The following DZANK1 variants were observed in gnomAD, a reference collection of about 807,000 sequenced individuals.
DZANK1 encodes the protein double zinc ribbon and ankyrin repeat domains 1.
In DZANK1, 91 loss-of-function variants were observed where a neutral mutation model predicts 94.5. That is an observed-to-expected ratio of 0.96 (90% confidence interval 0.81 to 1.15). The LOEUF (loss-of-function observed/expected upper bound fraction) is 1.15, where lower values mean the gene tolerates loss of function less well. DZANK1 is among the 50% of genes most tolerant of loss of function. DZANK1 has a pLI of 0.00. For missense variants in DZANK1, 903 were observed against 916.4 expected (o/e 0.99, Z 0.19); for synonymous variants, 312 against 325.3 (o/e 0.96, Z 0.44).
chr20:18,443,362 G>A (rs1429568592), exon 8 of DZANK1: 3 of 1,549,424 alleles, frequency 1.9e-6, no homozygotes, highest in Non-Finnish European at 1.7e-6. Context: ...CTCCTTCTGG[G>A]GGTGGGAGAC....
chr20:18,431,367 T>C (rs1460376753), intron 9 of DZANK1, among the ~76,000 whole-genome samples: 1 of 151,588 alleles, frequency 6.6e-6, no homozygotes, highest in Admixed American at 6.6e-5. Flanking sequence ...CTCAGTGGAG[T>C]GAGCTAGAGA....
chr20:18,443,269 T>C (rs2058767791), intron 8 of DZANK1, 78 bp downstream of exon 8: 10 of 944,738 alleles, frequency 1.1e-5, no homozygotes, highest in Non-Finnish European at 1.7e-5. Flanking sequence ...AGTTCATGTG[T>C]ACCAAGCACT....
chr20:18,429,874 A>C (rs994394347), intron 9 of DZANK1, among the ~76,000 whole-genome samples: 3 of 152,180 alleles, frequency 2.0e-5, no homozygotes, highest in Non-Finnish European at 4.4e-5. Context: ...CACTATACTC[A>C]TAAATTCACA....
chr20:18,465,925 G>A (rs1166832495), intron 1 of DZANK1, among the ~76,000 whole-genome samples: 1 of 152,206 alleles, frequency 6.6e-6, no homozygotes, highest in East Asian at 1.9e-4. Context: ...GGACTGCAGA[G>A]TACTACTTCT....
intron 17 of DZANK1, among the ~76,000 whole-genome samples, chr20:18,391,996 C>T (rs1427406190): frequency 6.6e-6 from 1 of 152,194 alleles, no homozygotes; most frequent in Non-Finnish European, 1.5e-5. Flanking sequence ...AGGTGTGAGA[C>T]CTTTACGTCT....
intron 7 of DZANK1, among the ~76,000 whole-genome samples, chr20:18,448,478 TTACATACA>T (rs555198101): frequency 6.6e-6 from 1 of 152,110 alleles, no homozygotes; most frequent in African/African-American, 2.4e-5. Flanking sequence ...AGTGTCATGG[TTACATACA>T]TACATACATA....
intron 18 of DZANK1, 148 bp from the exon 19 acceptor site, chr20:18,389,976 T>G: frequency 1.6e-6 from 2 of 1,245,924 alleles, no homozygotes; most frequent in South Asian, 2.9e-5. Context: ...ATCAGGAACC[T>G]CAAGACCTGA....
exon 3 of DZANK1, chr20:18,460,278 A>G (rs780670179): frequency 6.3e-7 from 1 of 1,578,914 alleles, no homozygotes; most frequent in Non-Finnish European, 8.6e-7. Context: ...TGCCATCCAG[A>G]GTATAATATA....
exon 11 of DZANK1, chr20:18,415,343 C>G: frequency 6.3e-7 from 1 of 1,584,302 alleles, no homozygotes; most frequent in Non-Finnish European, 8.6e-7. Context: ...TCCACACCAG[C>G]CGCAGAAGGA....
At chr20:18,448,411 G>A (rs926801521) in intron 7 of DZANK1, among the ~76,000 whole-genome samples, 1 of 151,950 alleles carries the variant, frequency 6.6e-6, no homozygotes, top group African/African-American at 2.4e-5. Context: ...TACCAAATAG[G>A]GTACAATGTA....
At chr20:18,460,447 T>TA in intron 2 of DZANK1, 141 bp from the exon 3 acceptor site, 1 of 708,460 alleles carries the variant, frequency 1.4e-6, no homozygotes, top group Non-Finnish European at 2.1e-6. Context: ...AGTTGTGACT[T>TA]AGGACAGGCA....
intron 3 of DZANK1, among the ~76,000 whole-genome samples, chr20:18,457,387 G>A (rs1373344774): frequency 6.6e-6 from 1 of 152,172 alleles, no homozygotes; most frequent in Non-Finnish European, 1.5e-5. Flanking sequence ...TGAGGCACAA[G>A]AATTGCTTGA....
intron 6 of DZANK1, among the ~76,000 whole-genome samples, chr20:18,451,436 C>T (rs561638718): frequency 6.6e-6 from 1 of 152,180 alleles, no homozygotes; most frequent in Non-Finnish European, 1.5e-5. Flanking sequence ...TCAGGCTCCT[C>T]CTCCCCTGCT....
intron 7 of DZANK1, among the ~76,000 whole-genome samples, chr20:18,447,694 A>C (rs1037071907): frequency 6.6e-6 from 1 of 152,122 alleles, no homozygotes; most frequent in African/African-American, 2.4e-5. Flanking sequence ...GCATGGATGG[A>C]AATAAGCACA....
intron 10 of DZANK1, among the ~76,000 whole-genome samples, chr20:18,426,530 G>A (rs2058051759): frequency 6.6e-6 from 1 of 152,166 alleles, no homozygotes; most frequent in Admixed American, 6.5e-5. Flanking sequence ...TCACCTGGAA[G>A]TAATTTTAAT....
At chr20:18,463,319 T>G (rs1323402061) in intron 2 of DZANK1, among the ~76,000 whole-genome samples, 1 of 152,072 alleles carries the variant, frequency 6.6e-6, no homozygotes, top group Non-Finnish European at 1.5e-5. Context: ...TAGGTACAAA[T>G]GGACATAAAG....
rs566782341 is a variant in DZANK1, at chr20:18,416,432, C to T, written c.955-983G>A. Among the ~76,000 whole-genome samples the T allele has an allele frequency of 3.2e-4, 49 of 152,242 alleles. 1 individual carries two copies. Among genetic ancestry groups the T allele is most frequent in the African/African-American group, 1.1e-3 (46 of 41,550 alleles). On this transcript the variant is annotated intron_variant, in intron 10 of 20. Transcript: ENST00000262547. ...GGACTATAATTTCACTTTTATTCCCCGCACTAGGACAGTCCTGGTACCTTG... is the reference window on the plus strand; with the variant it reads ...GGACTATAATTTCACTTTTATTCCCTGCACTAGGACAGTCCTGGTACCTTG...
chr20:18,421,613 A>G (rs540829232), intron 10 of DZANK1, among the ~76,000 whole-genome samples: 3 of 152,324 alleles, frequency 2.0e-5, no homozygotes, highest in South Asian at 4.1e-4. Flanking sequence ...AGAATTAAGG[A>G]AAGTCCAGAT....
intron 3 of DZANK1, among the ~76,000 whole-genome samples, chr20:18,459,852 G>A (rs184972488): frequency 8.5e-5 from 13 of 152,242 alleles, no homozygotes; most frequent in Admixed American, 3.9e-4. Context: ...GAGCTCTTTA[G>A]AGACCCCCGG....
Sources: allele counts gnomAD v4.1 joint callset (sites outside exome capture counted in the v4.1 genomes callset), GRCh38; gene constraint gnomAD v4.1.1; transcripts MANE v1.5; gene names NCBI Gene and HGNC (gene_info 2026-07-23, HGNC 2026-07-21).